The following SPIN1 variants were observed in gnomAD, a reference collection of about 807,000 sequenced individuals.
SPIN1 encodes the protein spindlin 1.
Under a neutral mutation model 26.0 loss-of-function variants are expected in SPIN1, and 3 were observed. The ratio of observed to expected loss-of-function variants is 0.12; its 90% CI spans 0.05 to 0.30. The LOEUF (loss-of-function observed/expected upper bound fraction) is 0.30. SPIN1 is among the 10% of genes least tolerant of loss of function. The pLI is 1.00. For missense variants in SPIN1, 126 were observed against 333.4 expected (o/e 0.38, Z 4.84); for synonymous variants, 101 against 116.5 (o/e 0.87, Z 0.86).
At chr9:88,391,472 G>C (rs1826918270) in intron 1 of SPIN1, 1 of 154,888 alleles carries the variant, frequency 6.5e-6, no homozygotes, top group Non-Finnish European at 1.5e-5. Flanking sequence ...GATTCATTCT[G>C]AACTCTCCCT....
Position 88,468,363 on chromosome 9 carries a change from A to G in SPIN1, c.356-9A>G. On this transcript the variant is annotated splice_polypyrimidine_tract_variant and intron_variant, in intron 4 of 5. Transcript: ENST00000375859. Reference sequence around the variant, plus strand: ...TTGTCAACTTTTTTTTTTTTTTTTTAATCCCCAGCGACATCTCGAATCAGC... The same window carrying G: ...TTGTCAACTTTTTTTTTTTTTTTTTGATCCCCAGCGACATCTCGAATCAGC... The G allele has an allele frequency of 7.0e-7, 1 of 1,435,696 alleles. No individual in the cohort carries two copies. Among genetic ancestry groups the G allele is most frequent in the South Asian group, 1.5e-5 (1 of 67,742 alleles). 88.9% of individuals were successfully genotyped at this position (1,435,696 alleles called of 1,614,324 possible).
At chr9:88,440,039 C>G (rs1280709584) in intron 2 of SPIN1, among the ~76,000 whole-genome samples, 1 of 152,124 alleles carries the variant, frequency 6.6e-6, no homozygotes, top group East Asian at 1.9e-4. Context: ...TGCCCTTGTT[C>G]TTTTTTCCAG....
intron 3 of SPIN1, among the ~76,000 whole-genome samples, chr9:88,453,982 G>A (rs1256083823): frequency 6.6e-6 from 1 of 152,090 alleles, no homozygotes; most frequent in Non-Finnish European, 1.5e-5. Flanking sequence ...CACAGATACC[G>A]GTTTATCCCT....
At chr9:88,409,851 A>AT (rs1827399420) in intron 1 of SPIN1, among the ~76,000 whole-genome samples, 1 of 151,992 alleles carries the variant, frequency 6.6e-6, no homozygotes, top group African/African-American at 2.4e-5. Flanking sequence ...AAAAAAAAAA[A>AT]AGAAATTGAG....
intron 2 of SPIN1, among the ~76,000 whole-genome samples, chr9:88,441,739 G>GA (rs1252048090): frequency 6.6e-6 from 1 of 150,834 alleles, no homozygotes; most frequent in African/African-American, 2.4e-5. Context: ...CTGGGCCACA[G>GA]AGTGAGACCC....
chr9:88,440,455 G>A (rs1437063985), intron 2 of SPIN1, among the ~76,000 whole-genome samples: 1 of 152,004 alleles, frequency 6.6e-6, no homozygotes, highest in African/African-American at 2.4e-5. Context: ...CCCGTGCCCA[G>A]CCAGTTAAGT....
At chr9:88,430,744 T>C (rs1827851545) in intron 2 of SPIN1, among the ~76,000 whole-genome samples, 1 of 152,264 alleles carries the variant, frequency 6.6e-6, no homozygotes, top group South Asian at 2.1e-4. Context: ...TAAGTAGCAG[T>C]TTATGCCTAA....
chr9:88,406,011 G>C (rs970718433), intron 1 of SPIN1, among the ~76,000 whole-genome samples: 4 of 126,286 alleles, frequency 3.2e-5, no homozygotes, highest in African/African-American at 8.5e-5. Flanking sequence ...GTGTCTGTGT[G>C]TGTGTGTGTG....
chr9:88,421,437 G>C (rs1172604018), intron 1 of SPIN1, among the ~76,000 whole-genome samples: 1 of 151,818 alleles, frequency 6.6e-6, no homozygotes, highest in Non-Finnish European at 1.5e-5. Context: ...TGAGTAGCTG[G>C]TAGCTGGTAC....
At chr9:88,423,714 C>T (rs550875484) in intron 1 of SPIN1, among the ~76,000 whole-genome samples, 1 of 150,832 alleles carries the variant, frequency 6.6e-6, no homozygotes, top group East Asian at 1.9e-4. Context: ...CTGTGCCCAG[C>T]CTACATCATG....
intron 1 of SPIN1, chr9:88,410,877 A>AG: frequency 2.1e-6 from 2 of 955,238 alleles, no homozygotes; most frequent in African/African-American, 3.2e-5. Flanking sequence ...AGAATCACTT[A>AG]GCTTCTTTGG....
intron 1 of SPIN1, among the ~76,000 whole-genome samples, chr9:88,392,383 A>G (rs2117858150): frequency 6.6e-6 from 1 of 152,328 alleles, no homozygotes; most frequent in South Asian, 2.1e-4. Context: ...GATAGAGGAG[A>G]TACACATGCA....
chr9:88,413,332 C>T (rs1827494746), intron 1 of SPIN1, among the ~76,000 whole-genome samples: 1 of 151,314 alleles, frequency 6.6e-6, no homozygotes, highest in South Asian at 2.1e-4. Flanking sequence ...TGTTGGCCTC[C>T]TAAAGTGTTG....
chr9:88,427,814 G>T (rs1827792344), intron 2 of SPIN1, among the ~76,000 whole-genome samples: 2 of 152,048 alleles, frequency 1.3e-5, no homozygotes, highest in Admixed American at 6.6e-5. Context: ...GGCCAGGCCG[G>T]TCTTGAACTC....
chr9:88,394,186 T>G (rs977058130), intron 1 of SPIN1, among the ~76,000 whole-genome samples: 1 of 152,210 alleles, frequency 6.6e-6, no homozygotes, highest in African/African-American at 2.4e-5. Context: ...CTGTTTTTCC[T>G]TAGCTTTTCA....
chr9:88,458,645 G>A (rs1828520750), intron 3 of SPIN1, among the ~76,000 whole-genome samples: 1 of 152,112 alleles, frequency 6.6e-6, no homozygotes, highest in Non-Finnish European at 1.5e-5. Flanking sequence ...TGAAAATCAA[G>A]GGTAGAAAAT....
At chr9:88,472,147 A>T (rs1828802811) in intron 5 of SPIN1, among the ~76,000 whole-genome samples, 1 of 152,026 alleles carries the variant, frequency 6.6e-6, no homozygotes, top group African/African-American at 2.4e-5. Context: ...GTCCCTTGCA[A>T]TTTCATATAA....
At chr9:88,456,931 C>T (rs1274026000) in intron 3 of SPIN1, among the ~76,000 whole-genome samples, 3 of 151,940 alleles carry the variant, frequency 2.0e-5, no homozygotes, top group African/African-American at 7.3e-5. Flanking sequence ...AAAAACCATT[C>T]GAGATAAGAC....
chr9:88,441,570 C>T (rs987610263), intron 2 of SPIN1, among the ~76,000 whole-genome samples: 37 of 151,722 alleles, frequency 2.4e-4, no homozygotes, highest in African/African-American at 8.3e-4. Flanking sequence ...CCAGTCTGGG[C>T]AATGTAGTGA....
Sources: allele counts gnomAD v4.1 joint callset (sites outside exome capture counted in the v4.1 genomes callset), GRCh38; gene constraint gnomAD v4.1.1; transcripts MANE v1.5; gene names NCBI Gene and HGNC (gene_info 2026-07-23, HGNC 2026-07-21).